NKAIN2: variants seen among roughly 807,000 people sequenced by gnomAD.
NKAIN2 encodes sodium/potassium transporting ATPase interacting 2.
In NKAIN2, 14 loss-of-function variants were observed where a neutral mutation model predicts 32.6. That is an observed-to-expected ratio of 0.43 (90% CI 0.28 to 0.67). The LOEUF is 0.67. Ranked by LOEUF, NKAIN2 falls within the 30% of genes least tolerant of loss-of-function variation. The probability of loss-of-function intolerance (pLI) is 0.17; values close to 1 mark genes in which losing one functional copy is unlikely to be tolerated. For missense variants in NKAIN2, 198 were observed against 258.3 expected, an observed-to-expected ratio of 0.77 and a Z score of 1.60; for synonymous variants, 80 against 87.2, an observed-to-expected ratio of 0.92 and a Z score of 0.46.
chr6:124,157,100 C>T (rs1223576044), intron 1 of NKAIN2, among the ~76,000 whole-genome samples: 1 of 8,156 alleles, frequency 1.2e-4, no homozygotes, highest in Non-Finnish European at 2.9e-4. Context: ...GAGACTCTGT[C>T]TCAAAAAAAA....
intron 5 of NKAIN2, among the ~76,000 whole-genome samples, chr6:124,795,214 G>C (rs184903603): frequency 5.8e-4 from 89 of 152,292 alleles, no homozygotes; most frequent in Admixed American, 1.7e-3. Flanking sequence ...GCTTAGAATG[G>C]CTGTGGAGAT....
chr6:124,120,012 G>T (rs1785802012), intron 1 of NKAIN2, among the ~76,000 whole-genome samples: 1 of 152,062 alleles, frequency 6.6e-6, no homozygotes, highest in African/African-American at 2.4e-5. Context: ...GTTATTAGTA[G>T]CTCTGTGATA....
intron 3 of NKAIN2, among the ~76,000 whole-genome samples, chr6:124,555,833 A>C (rs1780454013): frequency 6.6e-6 from 1 of 152,216 alleles, no homozygotes; most frequent in Admixed American, 6.5e-5. Flanking sequence ...ACAAAAACTT[A>C]TCTTCTCTTT....
At chr6:124,677,369 T>C (rs1056728331) in intron 4 of NKAIN2, among the ~76,000 whole-genome samples, 1 of 152,216 alleles carries the variant, frequency 6.6e-6, no homozygotes, top group Non-Finnish European at 1.5e-5. Context: ...GGGCTTACTA[T>C]TGCCATTTTG....
intron 1 of NKAIN2, among the ~76,000 whole-genome samples, chr6:124,237,510 A>G (rs1255450627): frequency 6.6e-6 from 1 of 152,110 alleles, no homozygotes; most frequent in Non-Finnish European, 1.5e-5. Context: ...TAGGACAAGA[A>G]ATTAACAAAG....
chr6:123,882,810 A>G (rs895270313), intron 1 of NKAIN2, among the ~76,000 whole-genome samples: 5 of 151,282 alleles, frequency 3.3e-5, no homozygotes, highest in Non-Finnish European at 5.9e-5. Flanking sequence ...GAAAAGACCA[A>G]TTGTTTAAGG....
chr6:124,121,606 T>G (rs1366279167), intron 1 of NKAIN2, among the ~76,000 whole-genome samples: 1 of 152,144 alleles, frequency 6.6e-6, no homozygotes, highest in Admixed American at 6.6e-5. Context: ...AATTGAAATG[T>G]GTCTTATGAT....
At chr6:124,112,207 T>C (rs768529006) in intron 1 of NKAIN2, among the ~76,000 whole-genome samples, 16 of 152,174 alleles carry the variant, frequency 1.1e-4, no homozygotes, top group Non-Finnish European at 5.9e-5. Flanking sequence ...TCATTTTGAA[T>C]TGAAGAACAC....
At chr6:124,426,999 T>TC (rs1775010932) in intron 3 of NKAIN2, among the ~76,000 whole-genome samples, 1 of 152,148 alleles carries the variant, frequency 6.6e-6, no homozygotes, top group Admixed American at 6.6e-5. Flanking sequence ...AATTGCCCAG[T>TC]CTCAGGCATG....
chr6:124,300,494 G>T (rs1346722765), intron 2 of NKAIN2, among the ~76,000 whole-genome samples: 1 of 152,180 alleles, frequency 6.6e-6, no homozygotes, highest in African/African-American at 2.4e-5. Flanking sequence ...AGTAAAGTGG[G>T]ATGCTGCTGT....
chr6:124,670,159 G>T (rs966154020), intron 4 of NKAIN2, among the ~76,000 whole-genome samples: 3 of 152,086 alleles, frequency 2.0e-5, no homozygotes, highest in African/African-American at 7.2e-5. Context: ...TTAGTTACTT[G>T]ATTGCTAGAA....
At chr6:123,810,000 T>C (rs1773390008) in intron 1 of NKAIN2, among the ~76,000 whole-genome samples, 2 of 152,218 alleles carry the variant, frequency 1.3e-5, no homozygotes, top group Non-Finnish European at 2.9e-5. Context: ...GTTATGCATT[T>C]AAAAATCTAG....
intron 1 of NKAIN2, among the ~76,000 whole-genome samples, chr6:123,998,741 CTCTG>C (rs369041739): frequency 0.022 from 2,886 of 132,592 alleles, 89 homozygotes; most frequent in African/African-American, 0.077. Context: ...CTCTCTCTCT[CTCTG>C]TGTGTGTGTG....
At chr6:124,785,797 G>A (rs567364360) in intron 4 of NKAIN2, among the ~76,000 whole-genome samples, 1 of 152,242 alleles carries the variant, frequency 6.6e-6, no homozygotes, top group African/African-American at 2.4e-5. Flanking sequence ...AGTACTGCTG[G>A]GCATTGGTAA....
At chr6:124,266,437 C>T (rs1318800055) in intron 1 of NKAIN2, among the ~76,000 whole-genome samples, 3 of 152,000 alleles carry the variant, frequency 2.0e-5, no homozygotes, top group Non-Finnish European at 4.4e-5. Context: ...ACCACCACAC[C>T]CGGCTAATTT....
intron 4 of NKAIN2, among the ~76,000 whole-genome samples, chr6:124,763,786 A>T (rs186167714): frequency 0.012 from 1,845 of 152,342 alleles, 23 homozygotes; most frequent in Non-Finnish European, 0.019. Flanking sequence ...GGTGTTTTAA[A>T]CAACATTCAT....
chr6:124,199,904 C>T (rs552646815), intron 1 of NKAIN2, among the ~76,000 whole-genome samples: 1 of 152,050 alleles, frequency 6.6e-6, no homozygotes, highest in Admixed American at 6.6e-5. Context: ...AATATATCAT[C>T]GAGAAAAAGT....
intron 5 of NKAIN2, among the ~76,000 whole-genome samples, chr6:124,813,658 T>C (rs749230547): frequency 8.5e-5 from 13 of 152,158 alleles, no homozygotes; most frequent in Non-Finnish European, 1.8e-4. Context: ...TCTATAAATC[T>C]GTACTGATTT....
intron 1 of NKAIN2, among the ~76,000 whole-genome samples, chr6:124,214,294 T>C (rs917210852): frequency 6.6e-6 from 1 of 152,202 alleles, no homozygotes; most frequent in Non-Finnish European, 1.5e-5. Context: ...TTAATAGTAG[T>C]AAAATTCTTA....
Sources: gnomAD v4.1 joint callset for allele counts (sites outside exome capture counted in the v4.1 genomes callset) on GRCh38, gnomAD v4.1.1 for gene constraint, MANE v1.5 for transcripts, NCBI Gene and HGNC (gene_info 2026-07-23, HGNC 2026-07-21) for gene names.